PPP1R13B: variants seen among roughly 807,000 people sequenced by gnomAD.
PPP1R13B encodes the protein protein phosphatase 1 regulatory subunit 13B, also known as apoptosis-stimulating of p53 protein 1.
Under a neutral mutation model 119.8 loss-of-function variants are expected in PPP1R13B, and 44 were observed. The observed-to-expected ratio is 0.37, with a 90% CI of 0.29 to 0.47. PPP1R13B has a LOEUF of 0.47. PPP1R13B is among the 20% of genes least tolerant of loss of function. PPP1R13B has a pLI of 0.99. For missense variants in PPP1R13B, 1,227 were observed against 1,413.5 expected, an observed-to-expected ratio of 0.87 and a Z score of 2.12; for synonymous variants, 542 against 561.5, an observed-to-expected ratio of 0.97 and a Z score of 0.49.
chr14:103,766,110 G>A (rs2151998080), intron 4 of PPP1R13B, among the ~76,000 whole-genome samples: 2 of 151,888 alleles, frequency 1.3e-5, no homozygotes, highest in South Asian at 4.2e-4. Context: ...CTGGGTTCAA[G>A]CGATTCTCCT....
intron 4 of PPP1R13B, among the ~76,000 whole-genome samples, chr14:103,758,254 ATTACATATG>A (rs902881873): frequency 2.2e-4 from 33 of 152,366 alleles, no homozygotes; most frequent in Non-Finnish European, 1.2e-4. Flanking sequence ...ATCCGAGAGA[ATTACATATG>A]TGAAATCAAC....
chr14:103,737,736 C>G lies in PPP1R13B; in HGVS notation c.2989G>C (p.Glu997Gln). ...DIETAADKCE[E>Q]MEEGYIQCSQ... ...CACTGGATGTAGCCTTCCTCCATCT[C>G]CTCACACTTGTCTGCAGCAGTTTCA... Residue 997 changes from glutamate (E) to glutamine (Q), a missense_variant, in exon 15 of 17, where the codon GAG becomes CAG. Coordinates refer to ENST00000202556, the MANE Select transcript of PPP1R13B (RefSeq NM_015316.3). The G allele has an allele frequency of 6.2e-7, 1 of 1,614,242 alleles. No individual in the cohort carries two copies. The highest frequency in any genetic ancestry group is 8.5e-7 in the Non-Finnish European group (1 of 1,180,038).
intron 1 of PPP1R13B, among the ~76,000 whole-genome samples, chr14:103,810,934 A>AG (rs1359930844): frequency 6.6e-6 from 1 of 151,010 alleles, no homozygotes; most frequent in Non-Finnish European, 1.5e-5. Flanking sequence ...ACTAAAAAAA[A>AG]AAAAAAAATT....
At chr14:103,839,161 T>C (rs1044265395) in intron 1 of PPP1R13B, among the ~76,000 whole-genome samples, 1 of 152,060 alleles carries the variant, frequency 6.6e-6, no homozygotes, top group Admixed American at 6.5e-5. Flanking sequence ...TACAGGCACG[T>C]GCCACCACAC....
chr14:103,811,179 T>G (rs2086146993), intron 1 of PPP1R13B, among the ~76,000 whole-genome samples: 1 of 151,448 alleles, frequency 6.6e-6, no homozygotes. Flanking sequence ...CACGTGAATA[T>G]TATGGAAGCA....
intron 1 of PPP1R13B, among the ~76,000 whole-genome samples, chr14:103,835,969 A>G (rs1461480252): frequency 6.6e-6 from 1 of 150,948 alleles, no homozygotes; most frequent in Admixed American, 6.6e-5. Flanking sequence ...TCAAACTCCT[A>G]GCCTCAAGCA....
chr14:103,813,822 A>G (rs1377800729), intron 1 of PPP1R13B, among the ~76,000 whole-genome samples: 2 of 152,194 alleles, frequency 1.3e-5, no homozygotes, highest in African/African-American at 4.8e-5. Flanking sequence ...GTTCATGGTC[A>G]GAAAAGTTTG....
At chr14:103,763,921 T>A (rs2084875185) in intron 4 of PPP1R13B, 1 of 152,292 alleles carries the variant, frequency 6.6e-6, no homozygotes, top group South Asian at 2.1e-4. Flanking sequence ...TCACACCTGC[T>A]GTGAGGTTTT....
At chr14:103,736,691 G>A (rs543298703) in intron 15 of PPP1R13B, 1 of 157,274 alleles carries the variant, frequency 6.4e-6, no homozygotes, top group African/African-American at 2.4e-5. Flanking sequence ...TCCCTTCCCT[G>A]TGGTGGTGCC....
rs1567169875 is a variant in PPP1R13B at position 103,847,549 on chromosome 14, T to TCAGCCTCAGCCC, written c.-254_-243dup. On this transcript the variant is annotated 5_prime_UTR_variant, in exon 1 of 17. Coordinates refer to ENST00000202556, the MANE Select transcript of PPP1R13B (RefSeq NM_015316.3). ...CGCCGCCGCCGCCTCAACCTCAGCC[T>TCAGCCTCAGCCC]CAGCCTCAGCCCCAGCCCGACAGCC... The TCAGCCTCAGCCC allele has an allele frequency of 1.6e-5, 16 of 985,268 alleles. No homozygotes were observed. Among genetic ancestry groups the TCAGCCTCAGCCC allele is most frequent in the African/African-American group, 1.8e-5 (1 of 56,354 alleles). 61.0% of individuals were successfully genotyped at this position (985,268 alleles called of 1,614,324 possible).
chr14:103,763,667 T>A (rs990185621), intron 4 of PPP1R13B, among the ~76,000 whole-genome samples: 1 of 152,222 alleles, frequency 6.6e-6, no homozygotes, highest in Non-Finnish European at 1.5e-5. Context: ...AATTTACATA[T>A]CCTAAAATTC....
At chr14:103,801,526 A>G (rs2152046992) in intron 1 of PPP1R13B, among the ~76,000 whole-genome samples, 1 of 152,106 alleles carries the variant, frequency 6.6e-6, no homozygotes, top group Middle Eastern at 3.4e-3. Flanking sequence ...CTCAGCTCCT[A>G]ACTACCATTT....
chr14:103,765,319 C>CA (rs1250760273), intron 4 of PPP1R13B, among the ~76,000 whole-genome samples: 5 of 152,192 alleles, frequency 3.3e-5, no homozygotes, highest in African/African-American at 1.2e-4. Flanking sequence ...CCTAAGCTTT[C>CA]AAGCTCCAGT....
Position 103,823,270 on chromosome 14 carries a change from C to T in PPP1R13B, c.9+24029G>A, listed in dbSNP as rs535862214. 4.0e-5 allele frequency among the ~76,000 whole-genome samples: 6 copies of T among 150,526 alleles called. No individual in the cohort carries two copies. In the South Asian group the frequency reaches 8.7e-4, roughly 22 times the overall value. On this transcript the variant is annotated intron_variant, in intron 1 of 16. Coordinates refer to ENST00000202556, the MANE Select transcript of PPP1R13B (RefSeq NM_015316.3). ...AGGAGAATCGCTTGAACCCAGGAGG[C>T]GGAGGTTGCAGTGAGCTGAGATCGC... is the stretch of plus-strand genomic sequence containing the variant.
chr14:103,848,739 G>T (rs2087133767), upstream of PPP1R13B, among the ~76,000 whole-genome samples: 1 of 152,212 alleles, frequency 6.6e-6, no homozygotes, highest in Non-Finnish European at 1.5e-5. Context: ...GAGGAGGCCA[G>T]GGAGCTCCCA....
intron 1 of PPP1R13B, among the ~76,000 whole-genome samples, chr14:103,830,846 G>A (rs1013283417): frequency 2.6e-5 from 4 of 151,722 alleles, no homozygotes; most frequent in Admixed American, 1.3e-4. Flanking sequence ...TGTCATATAC[G>A]TAAAATATGT....
rs34091341 is a variant in PPP1R13B at position 103,740,099 on chromosome 14, G to A, written c.2317C>T (p.Pro773Ser). The change falls in exon 12 of 17, where the codon CCC becomes TCC. Residue 773 changes from proline (P) to serine (S), a missense_variant. Pro to Ser is a moderately conservative substitution (Grantham distance 74). Coordinates refer to ENST00000202556, the MANE Select transcript of PPP1R13B (RefSeq NM_015316.3). The surrounding 1 kb of genome is among the most constrained non-coding windows in gnomAD (Gnocchi z 4.6). ...AGTGGGGCTGTGGGCTGGGCAGGGG[G>A]GAGCTCTTCCAGGTTTCCATTGGCA... ...TNANGNLEEL[P>S]PAQPTAPLPA... 2 of 1,613,846 alleles carry A rather than the reference G, an allele frequency of 1.2e-6. No homozygotes were observed. Among genetic ancestry groups the A allele is most frequent in the Non-Finnish European group, 1.7e-6 (2 of 1,180,020 alleles).
intron 1 of PPP1R13B, among the ~76,000 whole-genome samples, chr14:103,808,028 G>A (rs1037314297): frequency 1.3e-5 from 2 of 151,990 alleles, no homozygotes; most frequent in African/African-American, 2.4e-5. Flanking sequence ...ATCATTTGAG[G>A]TCAGGAGTTC....
chr14:103,789,454 G>C lies in PPP1R13B; in HGVS notation c.158-4540C>G, dbSNP rs189404612. Among the ~76,000 whole-genome samples, 850 of 151,602 alleles carry C rather than the reference G, an allele frequency of 5.6e-3. 4 individuals are homozygous for C. The highest frequency in any genetic ancestry group is 1.0e-2 in the Non-Finnish European group (677 of 67,872). ...TGGTCTCAAACTCCTGACCTCAAGTGATCTCCCCACCTCAGCCTCCCAAAG... is the reference window on the plus strand; with the variant it reads ...TGGTCTCAAACTCCTGACCTCAAGTCATCTCCCCACCTCAGCCTCCCAAAG... On this transcript the variant is annotated intron_variant, in intron 2 of 16. Transcript: ENST00000202556.
Sources: gnomAD v4.1 joint callset for allele counts (sites outside exome capture counted in the v4.1 genomes callset) on GRCh38, gnomAD v4.1.1 for gene constraint, Gnocchi (gnomAD v3.1) non-coding constraint, MANE v1.5 for transcripts, NCBI Gene and HGNC (gene_info 2026-07-23, HGNC 2026-07-21) for gene names.